STK3: variants seen among roughly 807,000 people sequenced by gnomAD.
STK3 encodes serine/threonine kinase 3.
A neutral mutation model predicts 58.0 loss-of-function variants in STK3; 41 were observed. The ratio of observed to expected loss-of-function variants is 0.71; its 90% CI spans 0.55 to 0.92. The LOEUF is 0.92. Ranked by LOEUF, STK3 falls within the 40% of genes least tolerant of loss-of-function variation. STK3 has a pLI of 0.00. For missense variants in STK3, 479 were observed against 602.7 expected (o/e 0.79, Z 2.15); for synonymous variants, 170 against 191.0 (o/e 0.89, Z 0.91).
chr8:98,541,541 T>C (rs1195002043), intron 9 of STK3, among the ~76,000 whole-genome samples: 5 of 152,190 alleles, frequency 3.3e-5, no homozygotes, highest in Non-Finnish European at 7.3e-5. Flanking sequence ...CATAGTTCTT[T>C]ATAGCAATAT....
chr8:98,413,543 A>G, intron 3 of STK3: 1 of 653,692 alleles, frequency 1.5e-6, no homozygotes, highest in Non-Finnish European at 3.0e-6. Flanking sequence ...CAACTGTGAC[A>G]TCATCTAGGT....
chr8:98,485,241 C>A (rs1272146176), intron 10 of STK3, among the ~76,000 whole-genome samples: 5 of 147,010 alleles, frequency 3.4e-5, no homozygotes, highest in African/African-American at 5.0e-5. Flanking sequence ...AACTGCGTCT[C>A]AAAAAAAAAA....
intron 1 of STK3, among the ~76,000 whole-genome samples, chr8:98,440,850 T>C (rs1254672546): frequency 1.3e-5 from 2 of 152,162 alleles, no homozygotes; most frequent in East Asian, 1.9e-4. Flanking sequence ...AGCACAGAGA[T>C]GTATCCCAAG....
chr8:98,714,804 A>G (rs1442267191), intron 4 of STK3, among the ~76,000 whole-genome samples: 1 of 152,218 alleles, frequency 6.6e-6, no homozygotes, highest in Non-Finnish European at 1.5e-5. Flanking sequence ...TATGGAACCC[A>G]AAAAGAGCCC....
chr8:98,503,770 T>A (rs1393432106), intron 10 of STK3, among the ~76,000 whole-genome samples: 1 of 152,190 alleles, frequency 6.6e-6, no homozygotes, highest in Admixed American at 6.5e-5. Context: ...TGAGAGACAG[T>A]TTGTTGTGAT....
At chr8:98,581,545 C>T (rs988233900) in intron 7 of STK3, among the ~76,000 whole-genome samples, 7 of 151,606 alleles carry the variant, frequency 4.6e-5, no homozygotes, top group African/African-American at 1.7e-4. Flanking sequence ...TTAGCCTTTG[C>T]TGGTGACCGG....
At chr8:98,381,153 T>C (rs1374191267) in intron 1 of STK3, among the ~76,000 whole-genome samples, 2 of 152,034 alleles carry the variant, frequency 1.3e-5, no homozygotes, top group Non-Finnish European at 2.9e-5. Context: ...GTATTTTTAG[T>C]AGAGACGGGG....
chr8:98,789,283 A>T (rs539126944), intron 1 of STK3, among the ~76,000 whole-genome samples: 15 of 152,164 alleles, frequency 9.9e-5, no homozygotes, highest in Non-Finnish European at 1.6e-4. Context: ...AAAGTTTATA[A>T]CCCTAAATGC....
intron 1 of STK3, among the ~76,000 whole-genome samples, chr8:98,923,759 T>C (rs1451329619): frequency 6.6e-6 from 1 of 151,918 alleles, no homozygotes; most frequent in East Asian, 1.9e-4. Context: ...AATGTGTATA[T>C]GGAATAAAGT....
chr8:98,893,546 G>A lies in STK3; in HGVS notation c.-78-9712C>T, dbSNP rs144283495. 1.4e-3 allele frequency among the ~76,000 whole-genome samples: 191 copies of A among 138,482 alleles called. 1 individual carries two copies. Among genetic ancestry groups the A allele is most frequent in the African/African-American group, 4.6e-3 (164 of 35,950 alleles). The allele number at this position is 138,482 out of a possible 152,430, so 90.8% of individuals were successfully genotyped here. A position where few individuals can be genotyped will look rare whatever the true frequency, so the allele number is the denominator to read the frequency against. ...AAAGAAAGAAAGAAAGAAAAAGAAA[G>A]AGAAAGAGAAAGAGAGAGGGAGGGA... On this transcript the variant is annotated intron_variant, in intron 1 of 1. Transcript: ENST00000519420.
intron 1 of STK3, among the ~76,000 whole-genome samples, chr8:98,809,215 T>C (rs953291398): frequency 3.3e-5 from 5 of 152,232 alleles, no homozygotes; most frequent in Non-Finnish European, 7.3e-5. Context: ...CAATGAATCA[T>C]TGTAGCCAAT....
intron 4 of STK3, among the ~76,000 whole-genome samples, chr8:98,730,967 C>A (rs1828149871): frequency 6.6e-6 from 1 of 152,134 alleles, no homozygotes; most frequent in African/African-American, 2.4e-5. Flanking sequence ...CCCCACTATA[C>A]AATTGTGCCA....
intron 3 of STK3, among the ~76,000 whole-genome samples, chr8:98,758,421 T>C (rs1432064072): frequency 6.6e-6 from 1 of 152,226 alleles, no homozygotes. Flanking sequence ...GCAGACCAAA[T>C]GCAGCAGTAC....
At chr8:98,615,215 CG>C (rs945222971) in intron 6 of STK3, among the ~76,000 whole-genome samples, 40 of 151,068 alleles carry the variant, frequency 2.6e-4, no homozygotes, top group Middle Eastern at 3.4e-3. Flanking sequence ...ACACCTCACA[CG>C]GCAGGGTATT....
At chr8:98,395,363 C>T (rs1817888514) in intron 3 of STK3, among the ~76,000 whole-genome samples, 1 of 152,202 alleles carries the variant, frequency 6.6e-6, no homozygotes, top group South Asian at 2.1e-4. Flanking sequence ...AGAGGAGCAT[C>T]CAAAAAACTT....
intron 10 of STK3, among the ~76,000 whole-genome samples, chr8:98,499,475 A>G (rs750980396): frequency 1.2e-4 from 19 of 152,186 alleles, no homozygotes; most frequent in Non-Finnish European, 2.4e-4. Flanking sequence ...CAGAGGCTAG[A>G]AGGAGTGGGA....
intron 6 of STK3, among the ~76,000 whole-genome samples, chr8:98,698,479 C>G (rs1162342834): frequency 6.6e-6 from 1 of 152,172 alleles, no homozygotes; most frequent in Non-Finnish European, 1.5e-5. Flanking sequence ...TACAATTTGG[C>G]ATGATTTTGC....
chr8:98,934,860 T>C (rs1264664261), intron 1 of STK3, among the ~76,000 whole-genome samples: 1 of 151,584 alleles, frequency 6.6e-6, no homozygotes, highest in African/African-American at 2.4e-5. Context: ...GAAGTTGCAA[T>C]GAGCTGAGAT....
chr8:98,348,788 C>T, the STK3 span, among the ~76,000 whole-genome samples: 1 of 152,214 alleles, frequency 6.6e-6, no homozygotes, highest in East Asian at 1.9e-4. Context: ...GCAACAAGTA[C>T]TCTCATTCAT....
Sources: allele counts gnomAD v4.1 joint callset (sites outside exome capture counted in the v4.1 genomes callset), GRCh38; gene constraint gnomAD v4.1.1; transcripts MANE v1.5; gene names NCBI Gene and HGNC (gene_info 2026-07-23, HGNC 2026-07-21).